RBM45: variants seen among roughly 807,000 people sequenced by gnomAD.
RBM45 encodes RNA binding motif protein 45.
Under a neutral mutation model 58.5 loss-of-function variants are expected in RBM45, and 39 were observed. That is an observed-to-expected ratio of 0.67 (90% confidence interval 0.52 to 0.87). The LOEUF is 0.87. RBM45 is among the 40% of genes least tolerant of loss of function. RBM45 has a pLI of 0.00. For missense variants in RBM45, 481 were observed against 581.6 expected, an observed-to-expected ratio of 0.83 and a Z score of 1.78; for synonymous variants, 193 against 203.0, an observed-to-expected ratio of 0.95 and a Z score of 0.42.
downstream of RBM45, among the ~76,000 whole-genome samples, chr2:178,134,168 C>T (rs1008046928): frequency 4.6e-5 from 7 of 152,144 alleles, no homozygotes; most frequent in African/African-American, 1.7e-4. Flanking sequence ...AGCTAGCTAA[C>T]CTAGGCTATA....
chr2:178,121,487 C>CAAGT, intron 5 of RBM45, 128 bp downstream of exon 5: 1 of 431,572 alleles, frequency 2.3e-6, no homozygotes, highest in Non-Finnish European at 3.9e-6. Context: ...ACTTTTATGT[C>CAAGT]AAGTACTGCT....
At chr2:178,122,282 G>A (rs532487915) in intron 5 of RBM45, among the ~76,000 whole-genome samples, 7 of 152,110 alleles carry the variant, frequency 4.6e-5, no homozygotes, top group African/African-American at 1.7e-4. Flanking sequence ...AATCATACTT[G>A]GTTGGCATCT....
At position 178,112,788 on chromosome 2, in the gene RBM45, G is replaced by T; in HGVS notation, c.242G>T (p.Arg81Met). ...VKFARSSQAC[R>M]AMEEMHGQCL... ...TTCGCCCGCAGCTCACAGGCCTGCA[G>T]GGCCATGGAGGAGATGCATGGCCAG... Residue 81 changes from arginine to methionine, a missense_variant, in exon 1 of 10, where the codon AGG becomes ATG. Physicochemically the swap from Arg to Met is moderately conservative, Grantham distance 91 (BLOSUM62 -1). Coordinates refer to ENST00000286070, the MANE Select transcript of RBM45 (RefSeq NM_152945.4). 6.2e-7 allele frequency: 1 copy of T among 1,613,876 alleles called. No individual in the cohort carries two copies. Among genetic ancestry groups the T allele is most frequent in the Non-Finnish European group, 8.5e-7 (1 of 1,179,948 alleles).
chr2:178,122,439 T>C (rs1574412008), intron 5 of RBM45, among the ~76,000 whole-genome samples: 2 of 152,160 alleles, frequency 1.3e-5, no homozygotes, highest in South Asian at 4.1e-4. Context: ...TACTCACTAG[T>C]ACCCAACCCA....
In RBM45 at chr2:178,121,240, C is replaced by T. The variant is rs1206705925; in HGVS notation, c.734C>T (p.Ser245Phe). The T allele has an allele frequency of 1.3e-6, 2 of 1,585,820 alleles. No homozygotes were observed. Among genetic ancestry groups the T allele is most frequent in the African/African-American group, 2.7e-5 (2 of 73,264 alleles). Residue 245 changes from serine to phenylalanine, a missense_variant, in exon 5 of 10, where the codon TCC becomes TTC. Physicochemically the swap from Ser to Phe is radical, Grantham distance 155 (BLOSUM62 -2). Coordinates refer to ENST00000286070, the MANE Select transcript of RBM45 (RefSeq NM_152945.4). ...KNDSRGQEAISKRLSVVSRVP... is the reference protein window; with the variant it reads ...KNDSRGQEAIFKRLSVVSRVP... ...GATAGCCGAGGCCAGGAAGCAATCTCCAAACGCTTGTCAGTTGTATCAAGA... is the reference window on the plus strand; with the variant it reads ...GATAGCCGAGGCCAGGAAGCAATCTTCAAACGCTTGTCAGTTGTATCAAGA...
chr2:178,114,996 C>G (rs1002164606), intron 1 of RBM45, among the ~76,000 whole-genome samples: 3 of 151,572 alleles, frequency 2.0e-5, no homozygotes, highest in African/African-American at 4.9e-5. Flanking sequence ...TTCTATTGTA[C>G]TTTGCTTTTA....
intron 2 of RBM45, 54 bp from the exon 3 acceptor site, chr2:178,118,001 A>G (rs1337410379): frequency 7.6e-6 from 11 of 1,444,842 alleles, no homozygotes; most frequent in Non-Finnish European, 1.0e-5. Flanking sequence ...GTTCTGAAAT[A>G]CTCTGTTCAA....
chr2:178,123,384 C>T (rs749405910), intron 5 of RBM45, 138 bp from the exon 6 acceptor site: 44 of 794,888 alleles, frequency 5.5e-5, no homozygotes, highest in Non-Finnish European at 7.7e-5. Flanking sequence ...ACTGTGTTTT[C>T]TGATACATTC....
chr2:178,115,830 A>C (rs2087765960), intron 1 of RBM45, among the ~76,000 whole-genome samples: 1 of 152,210 alleles, frequency 6.6e-6, no homozygotes, highest in Non-Finnish European at 1.5e-5. Flanking sequence ...GAAAAACACA[A>C]TGCAGAGATT....
rs1381931400 is a variant in RBM45 at position 178,124,147 on chromosome 2, A to G, written c.1089A>G (p.Gly363=). 1 of 1,592,924 alleles carries G rather than the reference A, an allele frequency of 6.3e-7. No individual in the cohort carries two copies. The highest frequency in any genetic ancestry group is 8.5e-7 in the Non-Finnish European group (1 of 1,174,392). The change falls in exon 8 of 10, where the codon GGA becomes GGG. Residue 363 remains glycine, a synonymous_variant. Transcript: ENST00000286070. ...QQFMQFGGSS[G]SQLPQIQTDV... ...AACAGCAATTTGGAGGAAGCTCTGG[A>G]TCACAGTTGCCTCAAATCCAGACAG...
exon 4 of RBM45, chr2:178,136,785 A>G (rs1229376384): frequency 1.3e-5 from 2 of 152,226 alleles, no homozygotes; most frequent in African/African-American, 4.8e-5. Context: ...TTCCTGGGGA[A>G]ATGAAATGAG....
intron 9 of RBM45, among the ~76,000 whole-genome samples, chr2:178,127,413 T>C (rs191587565): frequency 3.7e-4 from 56 of 152,300 alleles, no homozygotes; most frequent in Admixed American, 1.8e-3. Flanking sequence ...TTCTGACCAA[T>C]TGTGTGAGCT....
At position 178,121,232 on chromosome 2, in the gene RBM45, A is replaced by G; in HGVS notation, c.726A>G (p.Glu242=). 1 of 1,584,520 alleles carries G rather than the reference A, an allele frequency of 6.3e-7. No homozygotes were observed. The highest frequency in any genetic ancestry group is 1.8e-5 in the Admixed American group (1 of 56,260). ...SFDKNDSRGQ[E]AISKRLSVVS... ...ACAAGAATGATAGCCGAGGCCAGGA[A>G]GCAATCTCCAAACGCTTGTCAGTTG... Residue 242 remains glutamate, a synonymous_variant, in exon 5 of 10, where the codon GAA becomes GAG. Transcript: ENST00000286070.
exon 4 of RBM45, chr2:178,138,591 C>T (rs2088063359): frequency 6.6e-6 from 1 of 152,084 alleles, no homozygotes; most frequent in South Asian, 2.1e-4. Flanking sequence ...CTGTGATATA[C>T]AATGTACTGC....
At chr2:178,115,704 A>G (rs961231717) in intron 1 of RBM45, among the ~76,000 whole-genome samples, 42 of 152,222 alleles carry the variant, frequency 2.8e-4, no homozygotes, top group Non-Finnish European at 1.5e-4. Flanking sequence ...GACCCCTTTA[A>G]AGGAAAAAGA....
chr2:178,124,705 TTG>T (rs1387356773), intron 8 of RBM45, among the ~76,000 whole-genome samples: 2 of 152,084 alleles, frequency 1.3e-5, no homozygotes, highest in Admixed American at 1.3e-4. Context: ...TCGCAGATAC[TTG>T]GGAGGCTAAG....
intron 1 of RBM45, among the ~76,000 whole-genome samples, chr2:178,115,883 T>C (rs1439225766): frequency 6.6e-6 from 1 of 152,208 alleles, no homozygotes; most frequent in Non-Finnish European, 1.5e-5. Context: ...CCCAGCACAG[T>C]GGCTCACACC....
chr2:178,138,453 A>C (rs1314338780), exon 4 of RBM45: 1 of 152,188 alleles, frequency 6.6e-6, no homozygotes, highest in African/African-American at 2.4e-5. Flanking sequence ...GATCTAAAAA[A>C]TTTTAAAAGT....
At chr2:178,116,841 T>C (rs1463234434) in intron 2 of RBM45, among the ~76,000 whole-genome samples, 1 of 152,010 alleles carries the variant, frequency 6.6e-6, no homozygotes, top group East Asian at 1.9e-4. Flanking sequence ...AACTGTATTA[T>C]CTAGTATTGA....
Sources: gnomAD v4.1 joint callset for allele counts (sites outside exome capture counted in the v4.1 genomes callset) on GRCh38, gnomAD v4.1.1 for gene constraint, MANE v1.5 for transcripts, NCBI Gene and HGNC (gene_info 2026-07-23, HGNC 2026-07-21) for gene names.